Variants in DNAH3 observed in about 807,000 individuals in gnomAD.
The protein encoded by DNAH3 is dynein axonemal heavy chain 3.
In DNAH3, 332 loss-of-function variants were observed where a neutral mutation model predicts 432.5. The ratio of observed to expected loss-of-function variants is 0.77; its 90% confidence interval spans 0.70 to 0.84. The LOEUF is 0.84. DNAH3 is among the 40% of genes least tolerant of loss of function. DNAH3 has a pLI of 0.00. For synonymous variants in DNAH3, 1,956 were observed against 1,900.2 expected, an observed-to-expected ratio of 1.03 and a Z score of -0.76; for missense variants, 4,861 against 5,114.0, an observed-to-expected ratio of 0.95 and a Z score of 1.51.
chr16:21,101,820 C>A (rs760159735), intron 16 of DNAH3, among the ~76,000 whole-genome samples: 1 of 152,184 alleles, frequency 6.6e-6, no homozygotes, highest in Non-Finnish European at 1.5e-5. Context: ...ACTCTCCCAC[C>A]TCCTGCAGGG....
At chr16:21,046,061 C>A (rs1248905732) in intron 31 of DNAH3, among the ~76,000 whole-genome samples, 2 of 151,150 alleles carry the variant, frequency 1.3e-5, no homozygotes, top group Admixed American at 1.3e-4. Context: ...AATTTCTGTT[C>A]TTTTACATTT....
At chr16:20,981,046 C>A (rs1187551094) in intron 49 of DNAH3, among the ~76,000 whole-genome samples, 5 of 152,160 alleles carry the variant, frequency 3.3e-5, no homozygotes, top group Non-Finnish European at 7.3e-5. Flanking sequence ...TTGTCAGCTT[C>A]TGCATTAAAT....
intron 8 of DNAH3, 66 bp from the exon 10 acceptor site, chr16:21,125,436 C>G (rs1423128378): frequency 7.2e-7 from 1 of 1,381,588 alleles, no homozygotes; most frequent in Non-Finnish European, 9.7e-7. Flanking sequence ...ACTTGCCGTG[C>G]CCCCTGAGCT....
At chr16:21,151,269 G>C (rs567909815) in intron 1 of DNAH3, among the ~76,000 whole-genome samples, 49 of 151,738 alleles carry the variant, frequency 3.2e-4, no homozygotes, top group Non-Finnish European at 6.6e-4. Flanking sequence ...AACGTGTACA[G>C]AGCGATTTGC....
Position 20,936,650 on chromosome 16 carries a change from T to TG in DNAH3, c.11857dup (p.Gln3953ProfsTer5). On this transcript the variant is annotated frameshift_variant and splice_region_variant, in exon 60 of 62. Transcript: ENST00000261383. LOFTEE classifies it high-confidence loss of function. Reference sequence around the variant, plus strand: ...CGGTTACCCCTGACTCCCAGGTACCTGGAAGAAGGTCAGGCGGGCCAGCAG... The same window carrying TG: ...CGGTTACCCCTGACTCCCAGGTACCTGGGAAGAAGGTCAGGCGGGCCAGCAG... 6.3e-7 allele frequency: 1 copy of TG among 1,592,334 alleles called. No homozygotes were observed. Among genetic ancestry groups the TG allele is most frequent in the Non-Finnish European group, 8.6e-7 (1 of 1,168,410 alleles).
chr16:21,081,558 T>C (rs1875544111), intron 20 of DNAH3, 78 bp downstream of exon 20: 3 of 1,197,750 alleles, frequency 2.5e-6, no homozygotes, highest in African/African-American at 1.5e-5. Flanking sequence ...CAGCCCGATA[T>C]GGAGCCAATC....
chr16:21,127,319 GAGGC>G (rs1333713027), intron 8 of DNAH3, among the ~76,000 whole-genome samples: 1 of 151,500 alleles, frequency 6.6e-6, no homozygotes, highest in Non-Finnish European at 1.5e-5. Context: ...TTGGGAGGCC[GAGGC>G]AGGCAGATCA....
intron 3 of DNAH3, 47 bp from the exon 5 acceptor site, chr16:21,141,419 G>T: frequency 7.1e-7 from 1 of 1,415,556 alleles, no homozygotes; most frequent in Non-Finnish European, 9.8e-7. Context: ...AATGGCCTTG[G>T]GCCATTCTCC....
intron 52 of DNAH3, 21 bp downstream of exon 52, chr16:20,969,771 T>C: frequency 1.2e-6 from 2 of 1,613,854 alleles, no homozygotes; most frequent in Non-Finnish European, 1.7e-6. Context: ...TGTGCAGGCA[T>C]CTGGGTGGGG....
At chr16:20,949,867 C>A (rs1462374693) in intron 56 of DNAH3, among the ~76,000 whole-genome samples, 5 of 152,166 alleles carry the variant, frequency 3.3e-5, no homozygotes, top group Non-Finnish European at 4.4e-5. Flanking sequence ...TTATGACCGG[C>A]AGGCAGTTGG....
chr16:20,934,237 A>G (rs1325179043), intron 61 of DNAH3, among the ~76,000 whole-genome samples: 1 of 152,224 alleles, frequency 6.6e-6, no homozygotes, highest in Non-Finnish European at 1.5e-5. Flanking sequence ...TTCTAAGTAT[A>G]TATTGGAAGA....
chr16:20,977,567 T>C (rs2085653655), intron 50 of DNAH3, among the ~76,000 whole-genome samples: 1 of 152,188 alleles, frequency 6.6e-6, no homozygotes, highest in Non-Finnish European at 1.5e-5. Context: ...CCCAGTGAGC[T>C]TGTGTGAGAC....
chr16:20,962,161 A>AAAAT (rs2084852111), intron 53 of DNAH3, among the ~76,000 whole-genome samples: 1 of 151,734 alleles, frequency 6.6e-6, no homozygotes, highest in Non-Finnish European at 1.5e-5. Flanking sequence ...ACTCCATCTC[A>AAAAT]AAATAAATAA....
intron 25 of DNAH3, among the ~76,000 whole-genome samples, chr16:21,061,394 C>T (rs374579037): frequency 1.9e-4 from 29 of 151,756 alleles, no homozygotes; most frequent in East Asian, 1.2e-3. Flanking sequence ...GCCACTACAC[C>T]TGGCTTTTTA....
At chr16:21,152,463 G>A (rs966375411) in intron 1 of DNAH3, among the ~76,000 whole-genome samples, 1 of 152,238 alleles carries the variant, frequency 6.6e-6, no homozygotes, top group African/African-American at 2.4e-5. Flanking sequence ...GCTCGCTCTC[G>A]GCGCCTCCTC....
chr16:21,085,950 AG>A (rs1051447721), intron 19 of DNAH3, among the ~76,000 whole-genome samples: 13 of 152,110 alleles, frequency 8.5e-5, no homozygotes, highest in Non-Finnish European at 1.5e-5. Flanking sequence ...TTAATTAATT[AG>A]GGAGAGATGG....
At chr16:21,090,736 G>A (rs1434655560) in intron 18 of DNAH3, among the ~76,000 whole-genome samples, 1 of 152,190 alleles carries the variant, frequency 6.6e-6, no homozygotes, top group Non-Finnish European at 1.5e-5. Flanking sequence ...CAGAGGCTTG[G>A]ATGAGGCAAA....
At chr16:21,057,025 C>T (rs2090159315) in intron 27 of DNAH3, among the ~76,000 whole-genome samples, 1 of 152,206 alleles carries the variant, frequency 6.6e-6, no homozygotes, top group Non-Finnish European at 1.5e-5. Flanking sequence ...TTCTAATCCA[C>T]AGCCAATCCT....
At chr16:21,072,131 T>C (rs1244832751) in intron 21 of DNAH3, among the ~76,000 whole-genome samples, 1 of 152,188 alleles carries the variant, frequency 6.6e-6, no homozygotes, top group Non-Finnish European at 1.5e-5. Flanking sequence ...ACAAAGCTAT[T>C]AGGTATTTCT....
Sources: gnomAD v4.1 joint callset for allele counts (sites outside exome capture counted in the v4.1 genomes callset) on GRCh38, gnomAD v4.1.1 for gene constraint, MANE v1.5 for transcripts, NCBI Gene and HGNC (gene_info 2026-07-23, HGNC 2026-07-21) for gene names.